The following CTNNA3 variants were observed in gnomAD, a reference collection of about 807,000 sequenced individuals.
CTNNA3 encodes catenin alpha-3.
In CTNNA3, 76 loss-of-function variants were observed where a neutral mutation model predicts 95.7. That is an observed-to-expected ratio of 0.79 (90% CI 0.66 to 0.96). The LOEUF (loss-of-function observed/expected upper bound fraction) is 0.96, where lower values mean the gene tolerates loss of function less well. Among genes scored for constraint, CTNNA3 ranks in the 40% least tolerant of loss-of-function variants. The probability of loss-of-function intolerance (pLI) is 0.00; values close to 1 mark genes in which losing one functional copy is unlikely to be tolerated. For synonymous variants in CTNNA3, 431 were observed against 374.4 expected, an observed-to-expected ratio of 1.15 and a Z score of -1.74; for missense variants, 1,191 against 1,089.8, an observed-to-expected ratio of 1.09 and a Z score of -1.31.
At chr10:66,243,365 T>C (rs191938828) in intron 13 of CTNNA3, among the ~76,000 whole-genome samples, 62 of 152,310 alleles carry the variant, frequency 4.1e-4, no homozygotes, top group African/African-American at 1.3e-3. Context: ...TGGTACCTTT[T>C]TAAGTCTGAT....
chr10:66,278,545 G>A (rs1169658771), intron 13 of CTNNA3, among the ~76,000 whole-genome samples: 1 of 152,014 alleles, frequency 6.6e-6, no homozygotes, highest in Non-Finnish European at 1.5e-5. Context: ...CCCTACAGAG[G>A]ACCACTGTAT....
chr10:66,482,185 T>A (rs563453801), intron 11 of CTNNA3, among the ~76,000 whole-genome samples: 1 of 152,278 alleles, frequency 6.6e-6, no homozygotes, highest in South Asian at 2.1e-4. Context: ...TGTCCCTTTG[T>A]GCTGGAAAAC....
intron 7 of CTNNA3, among the ~76,000 whole-genome samples, chr10:67,166,872 C>T (rs969943956): frequency 2.0e-5 from 3 of 152,082 alleles, no homozygotes; most frequent in African/African-American, 4.8e-5. Flanking sequence ...TCTGGGAGGC[C>T]GAGGCAGGTG....
At chr10:67,613,786 G>A (rs1843546514) in intron 2 of CTNNA3, among the ~76,000 whole-genome samples, 1 of 151,602 alleles carries the variant, frequency 6.6e-6, no homozygotes, top group South Asian at 2.1e-4. Context: ...GGTGGCTTAA[G>A]CCACGGTTCC....
chr10:66,765,469 T>C (rs1184656155), intron 9 of CTNNA3, among the ~76,000 whole-genome samples: 2 of 152,160 alleles, frequency 1.3e-5, no homozygotes, highest in Non-Finnish European at 2.9e-5. Context: ...CTGATGAGTA[T>C]GAGCCATACT....
chr10:67,452,055 G>A (rs1428466848), intron 5 of CTNNA3, among the ~76,000 whole-genome samples: 10 of 132,420 alleles, frequency 7.6e-5, no homozygotes, highest in South Asian at 2.8e-4. Flanking sequence ...GGGAGGGAGG[G>A]AGGAATGGAA....
At chr10:66,327,010 G>GA (rs1302741240) in intron 12 of CTNNA3, among the ~76,000 whole-genome samples, 1 of 152,028 alleles carries the variant, frequency 6.6e-6, no homozygotes, top group Non-Finnish European at 1.5e-5. Context: ...TAATTGTGTT[G>GA]AAAATACAAC....
intron 12 of CTNNA3, among the ~76,000 whole-genome samples, chr10:66,377,257 G>T (rs1243794701): frequency 6.6e-6 from 1 of 151,736 alleles, no homozygotes; most frequent in Non-Finnish European, 1.5e-5. Flanking sequence ...AATAACCCAG[G>T]ATTATTTTAT....
intron 7 of CTNNA3, among the ~76,000 whole-genome samples, chr10:67,032,901 T>C (rs1209837961): frequency 6.6e-6 from 1 of 152,198 alleles, no homozygotes; most frequent in Non-Finnish European, 1.5e-5. Context: ...TACTGCATAA[T>C]GACATTTTCT....
At position 66,572,833 on chromosome 10, in the gene CTNNA3, G is replaced by A. The variant is rs570588277; in HGVS notation, c.1374+48859C>T. On this transcript the variant is annotated intron_variant, in intron 10 of 17. Transcript: ENST00000433211. ...GTGACTCAGGACACATGCTTCTTCT[G>A]TGCAATGCTTTACCATCATCTGCCA... 2.0e-5 allele frequency among the ~76,000 whole-genome samples: 3 copies of A among 152,258 alleles called. No individual in the cohort carries two copies. The South Asian group carries it at 6.2e-4, about 32-fold the overall frequency.
At chr10:66,059,805 G>C (rs770699657) in intron 15 of CTNNA3, among the ~76,000 whole-genome samples, 6 of 152,022 alleles carry the variant, frequency 3.9e-5, no homozygotes, top group Non-Finnish European at 8.8e-5. Context: ...ACATCACATT[G>C]TATCTTGAAA....
intron 9 of CTNNA3, among the ~76,000 whole-genome samples, chr10:66,723,135 G>A (rs1454809181): frequency 1.3e-5 from 2 of 152,008 alleles, no homozygotes; most frequent in African/African-American, 2.4e-5. Context: ...GGAGAGGAGG[G>A]GAGAGAAAGG....
intron 5 of CTNNA3, among the ~76,000 whole-genome samples, chr10:67,471,538 TTA>T (rs1847829271): frequency 6.6e-6 from 1 of 152,210 alleles, no homozygotes; most frequent in African/African-American, 2.4e-5. Flanking sequence ...AAAAATTTCA[TTA>T]AAAGAAAACT....
intron 10 of CTNNA3, among the ~76,000 whole-genome samples, chr10:66,558,765 G>T (rs756721976): frequency 6.6e-6 from 1 of 152,080 alleles, no homozygotes. Flanking sequence ...AGTTGAAACT[G>T]CTGTGGGGGA....
intron 7 of CTNNA3, among the ~76,000 whole-genome samples, chr10:67,142,546 A>G (rs1860618981): frequency 6.6e-6 from 1 of 152,294 alleles, no homozygotes; most frequent in Non-Finnish European, 1.5e-5. Context: ...TTGGTTTCCC[A>G]GTGCATGTAA....
At chr10:66,483,826 T>C (rs1839628516) in intron 11 of CTNNA3, among the ~76,000 whole-genome samples, 1 of 152,098 alleles carries the variant, frequency 6.6e-6, no homozygotes, top group Non-Finnish European at 1.5e-5. Flanking sequence ...ATGGGGCTAA[T>C]GAACACTAGT....
chr10:66,861,052 T>A (rs1843902379), intron 7 of CTNNA3, among the ~76,000 whole-genome samples: 2 of 152,214 alleles, frequency 1.3e-5, no homozygotes, highest in African/African-American at 4.8e-5. Flanking sequence ...TCATGTCTTC[T>A]TAAACATTCA....
rs141681521 is a variant in CTNNA3 at position 66,412,910 on chromosome 10, T to C, written c.1532-33558A>G. ...TCACATAGGTGTAATAACTCTAGGA[T>C]TTCTTGAAGTGATTAACACTTTATA... On this transcript the variant is annotated intron_variant, in intron 11 of 17. Transcript: ENST00000433211. Among the ~76,000 whole-genome samples the C allele has an allele frequency of 3.2e-3, 487 of 152,258 alleles. 2 individuals carry two copies. The highest frequency in any genetic ancestry group is 0.011 in the African/African-American group (470 of 41,558).
rs1008002293 is a variant in CTNNA3, at chr10:66,092,923, AAG to A, written c.1977+10232_1977+10233del. ...TAAATTAAGAAAAACTATAATAAAA[AAG>A]ATATCTTTTTAATTTTTAAAAATTA... On this transcript the variant is annotated intron_variant, in intron 14 of 17. Coordinates refer to ENST00000433211, the MANE Select transcript of CTNNA3 (RefSeq NM_013266.4). Among the ~76,000 whole-genome samples the A allele has an allele frequency of 6.0e-4, 91 of 152,062 alleles. 1 individual carries two copies. The highest frequency in any genetic ancestry group is 2.1e-3 in the African/African-American group (86 of 41,548).
Sources: allele counts gnomAD v4.1 joint callset (sites outside exome capture counted in the v4.1 genomes callset), GRCh38; gene constraint gnomAD v4.1.1; transcripts MANE v1.5; gene names NCBI Gene and HGNC (gene_info 2026-07-23, HGNC 2026-07-21).